TTBK2: variants seen among roughly 807,000 people sequenced by gnomAD.
The protein encoded by TTBK2 is tau-tubulin kinase 2.
In TTBK2, 28 loss-of-function variants were observed where a neutral mutation model predicts 110.8. The ratio of observed to expected loss-of-function variants is 0.25; its 90% confidence interval spans 0.19 to 0.35. The LOEUF is 0.35. TTBK2 is among the 10% of genes least tolerant of loss of function. The probability of loss-of-function intolerance (pLI) is 1.00; values close to 1 mark genes in which losing one functional copy is unlikely to be tolerated. For missense variants in TTBK2, 1,369 were observed against 1,500.3 expected (o/e 0.91, Z 1.45); for synonymous variants, 532 against 527.3 (o/e 1.01, Z -0.12).
At chr15:42,912,259 G>A (rs1278140221) in intron 1 of TTBK2, among the ~76,000 whole-genome samples, 1 of 152,094 alleles carries the variant, frequency 6.6e-6, no homozygotes, top group African/African-American at 2.4e-5. Flanking sequence ...AGGAGCTGGA[G>A]GATGATATAA....
At chr15:42,827,851 A>C in intron 6 of TTBK2, 77 bp downstream of exon 6, 1 of 1,125,956 alleles carries the variant, frequency 8.9e-7, no homozygotes, top group Non-Finnish European at 1.3e-6. Flanking sequence ...ATAAATAATT[A>C]GCATTGTTTA....
intron 1 of TTBK2, among the ~76,000 whole-genome samples, chr15:42,913,123 C>A (rs1269145709): frequency 1.6e-5 from 2 of 125,462 alleles, no homozygotes; most frequent in Non-Finnish European, 3.2e-5. Flanking sequence ...CAGAGCGAGA[C>A]TCCGTCTCAA....
chr15:42,777,104 T>C lies in TTBK2; in HGVS notation c.1336A>G (p.Ile446Val). Residue 446 changes from isoleucine (I) to valine (V), a missense_variant, in exon 12 of 15, where the codon ATT becomes GTT. This residue lies in a region of TTBK2 where 1,097 missense variants were observed against 1,114.7 expected (regional missense o/e 0.98). Coordinates refer to ENST00000267890, the MANE Select transcript of TTBK2 (RefSeq NM_173500.4). Reference protein sequence around the residue: ...DIPLVRKLRSIHSFELEKRLT... With the variant: ...DIPLVRKLRSVHSFELEKRLT... ...CGTTTTTCCAGCTCAAAGCTGTGAA[T>C]GGAACGTAACTTTCGCACCAGTGGA... is the stretch of plus-strand genomic sequence containing the variant. 2 of 1,614,252 alleles carry C rather than the reference T, an allele frequency of 1.2e-6. No homozygotes were observed. Among genetic ancestry groups the C allele is most frequent in the Non-Finnish European group, 1.7e-6 (2 of 1,180,054 alleles).
At chr15:42,792,402 T>C (rs976649562) in intron 10 of TTBK2, among the ~76,000 whole-genome samples, 1 of 152,180 alleles carries the variant, frequency 6.6e-6, no homozygotes, top group African/African-American at 2.4e-5. Flanking sequence ...GGACCCAAAT[T>C]GATACATCTT....
chr15:42,815,627 A>T (rs973398682), intron 7 of TTBK2, among the ~76,000 whole-genome samples: 2 of 151,632 alleles, frequency 1.3e-5, no homozygotes, highest in East Asian at 3.9e-4. Flanking sequence ...TATTTTTAAA[A>T]TTTAACCCAA....
chr15:42,852,310 C>T (rs1373583445), intron 3 of TTBK2, among the ~76,000 whole-genome samples: 1 of 152,122 alleles, frequency 6.6e-6, no homozygotes, highest in Non-Finnish European at 1.5e-5. Flanking sequence ...CTCAAGTGAT[C>T]CACCCACCTC....
intron 10 of TTBK2, 139 bp downstream of exon 10, chr15:42,794,505 C>G (rs917643378): frequency 1.7e-6 from 2 of 1,157,952 alleles, no homozygotes; most frequent in African/African-American, 1.5e-5. Context: ...TACATAAGAG[C>G]AATGTTAATT....
At chr15:42,823,343 A>G (rs142524946) in intron 6 of TTBK2, among the ~76,000 whole-genome samples, 2 of 152,328 alleles carry the variant, frequency 1.3e-5, no homozygotes, top group African/African-American at 4.8e-5. Flanking sequence ...ATTATGAATC[A>G]AAGTGTTGCA....
intron 3 of TTBK2, among the ~76,000 whole-genome samples, chr15:42,859,626 C>G (rs1894078200): frequency 6.6e-6 from 1 of 152,116 alleles, no homozygotes; most frequent in Non-Finnish European, 1.5e-5. Flanking sequence ...ACATTACTAA[C>G]AGTCTATTTT....
intron 1 of TTBK2, among the ~76,000 whole-genome samples, chr15:42,901,028 T>C (rs2029971820): frequency 6.6e-6 from 1 of 151,954 alleles, no homozygotes; most frequent in Admixed American, 6.6e-5. Flanking sequence ...ATACTCAAAA[T>C]GAAGCAAGGA....
At chr15:42,763,133 TATATACATACATATATATATATAC>T (rs1308877863) in intron 13 of TTBK2, among the ~76,000 whole-genome samples, 73 of 94,686 alleles carry the variant, frequency 7.7e-4, no homozygotes, top group African/African-American at 3.3e-3. Context: ...TATATATACA[TATATACATACATATATATATATAC>T]ATATATATAT....
At chr15:42,879,996 CAAAAA>C (rs71108186) in intron 1 of TTBK2, among the ~76,000 whole-genome samples, 1 of 74,462 alleles carries the variant, frequency 1.3e-5, no homozygotes, top group Non-Finnish European at 2.8e-5. Flanking sequence ...GATCCTGTCT[CAAAAA>C]AAAAAAAAAA....
intron 3 of TTBK2, among the ~76,000 whole-genome samples, chr15:42,844,163 G>A (rs531864301): frequency 1.7e-3 from 255 of 152,306 alleles, no homozygotes; most frequent in Non-Finnish European, 3.1e-3. Context: ...CTGCTAGGCT[G>A]TAACAGTACC....
intron 3 of TTBK2, among the ~76,000 whole-genome samples, chr15:42,868,057 T>C (rs918973150): frequency 5.9e-5 from 9 of 152,198 alleles, no homozygotes; most frequent in South Asian, 2.1e-4. Flanking sequence ...TCTAAATATA[T>C]GACACCTGGA....
At chr15:42,840,292 T>C in intron 4 of TTBK2, 68 bp downstream of exon 4, 1 of 1,295,182 alleles carries the variant, frequency 7.7e-7, no homozygotes, top group Admixed American at 1.7e-5. Flanking sequence ...TTTTTATTCA[T>C]ATTCACTGTA....
intron 1 of TTBK2, among the ~76,000 whole-genome samples, chr15:42,910,560 C>G (rs1444410320): frequency 1.3e-5 from 2 of 152,136 alleles, no homozygotes; most frequent in East Asian, 3.8e-4. Context: ...TTAACATATG[C>G]TCATTCAATA....
At position 42,794,625 on chromosome 15, in the gene TTBK2, T is replaced by C. The variant is rs1354009951; in HGVS notation, c.980+19A>G. On this transcript the variant is annotated intron_variant, in intron 10 of 14. Coordinates refer to ENST00000267890, the MANE Select transcript of TTBK2 (RefSeq NM_173500.4). ...TACATCCAGGAAAGACACCACCAAA[T>C]GATCTGTTTAGGACATACCCAATTG... is the stretch of plus-strand genomic sequence containing the variant. The C allele has an allele frequency of 8.7e-6, 14 of 1,614,100 alleles. No individual in the cohort carries two copies. Among genetic ancestry groups the C allele is most frequent in the Non-Finnish European group, 1.0e-5 (12 of 1,180,010 alleles).
At chr15:42,834,934 T>C (rs1429899315) in intron 4 of TTBK2, among the ~76,000 whole-genome samples, 2 of 152,326 alleles carry the variant, frequency 1.3e-5, no homozygotes, top group East Asian at 3.9e-4. Flanking sequence ...CATGAATTTA[T>C]GGATTTATTA....
intron 3 of TTBK2, among the ~76,000 whole-genome samples, chr15:42,865,034 A>G (rs1010081040): frequency 7.9e-5 from 12 of 152,212 alleles, no homozygotes; most frequent in Non-Finnish European, 1.8e-4. Flanking sequence ...ATATCTTCAC[A>G]TTACCTTTGA....
Sources: allele counts gnomAD v4.1 joint callset (sites outside exome capture counted in the v4.1 genomes callset), GRCh38; gene constraint gnomAD v4.1.1; regional missense constraint gnomAD v4.1.1; transcripts MANE v1.5; gene names NCBI Gene and HGNC (gene_info 2026-07-23, HGNC 2026-07-21).